Variants in STARD13 observed in about 807,000 individuals in gnomAD.
STARD13 encodes StAR related lipid transfer domain containing 13.
A neutral mutation model predicts 106.4 loss-of-function variants in STARD13; 62 were observed. The observed-to-expected ratio is 0.58, with a 90% CI of 0.48 to 0.72. STARD13 has a LOEUF of 0.72. STARD13 is among the 30% of genes least tolerant of loss of function. STARD13 has a pLI of 0.00. For synonymous variants in STARD13, 565 were observed against 553.0 expected (o/e 1.02, Z -0.31); for missense variants, 1,387 against 1,424.0 (o/e 0.97, Z 0.42).
the STARD13 span, among the ~76,000 whole-genome samples, chr13:33,614,110 C>T: frequency 6.6e-6 from 1 of 152,256 alleles, no homozygotes; most frequent in East Asian, 1.9e-4. Context: ...CAGATTAAAG[C>T]AGAGCTGATC....
rs1030303691 is a variant in STARD13, at chr13:33,117,771, T to C, written c.2281+294A>G. On this transcript the variant is annotated intron_variant, in intron 8 of 13. Transcript: ENST00000336934. ...AAAACAACTTCTATTGTGTCCCTTT[T>C]TCATTTTAAATTTTTGTAAATGTAT... is the stretch of plus-strand genomic sequence containing the variant. 7.3e-6 allele frequency: 7 copies of C among 959,668 alleles called. No homozygotes were observed. In the African/African-American group the frequency reaches 1.1e-4, roughly 15 times the overall value. 59.4% of individuals were successfully genotyped at this position (959,668 alleles called of 1,614,324 possible).
At chr13:33,636,428 G>C in the STARD13 span, among the ~76,000 whole-genome samples, 1 of 152,048 alleles carries the variant, frequency 6.6e-6, no homozygotes, top group South Asian at 2.1e-4. Flanking sequence ...ATCCAAACCC[G>C]GCTACTTTGG....
chr13:33,254,083 A>T (rs892704068), intron 1 of STARD13, among the ~76,000 whole-genome samples: 1 of 152,190 alleles, frequency 6.6e-6, no homozygotes, highest in East Asian at 1.9e-4. Flanking sequence ...TCATTTTAAC[A>T]CTGAAAGCCT....
At chr13:33,627,511 C>T in the STARD13 span, among the ~76,000 whole-genome samples, 1 of 151,984 alleles carries the variant, frequency 6.6e-6, no homozygotes. Flanking sequence ...GTGGCGGGCA[C>T]CTGTAAGTCC....
chr13:33,227,436 C>T (rs2138198193), intron 1 of STARD13, among the ~76,000 whole-genome samples: 1 of 152,300 alleles, frequency 6.6e-6, no homozygotes, highest in East Asian at 1.9e-4. Flanking sequence ...GGCATGGAAA[C>T]TTCCTCTACA....
chr13:33,628,097 T>C, the STARD13 span, among the ~76,000 whole-genome samples: 1 of 150,404 alleles, frequency 6.6e-6, no homozygotes, highest in African/African-American at 2.5e-5. Flanking sequence ...AACAAGGTAA[T>C]GAGTTGGGAT....
the STARD13 span, among the ~76,000 whole-genome samples, chr13:33,526,652 T>C: frequency 6.6e-6 from 1 of 152,070 alleles, no homozygotes; most frequent in Non-Finnish European, 1.5e-5. Context: ...CTACTTACTT[T>C]TTCTCTCTGT....
At chr13:33,258,343 T>C (rs752630240) in intron 1 of STARD13, among the ~76,000 whole-genome samples, 1 of 152,228 alleles carries the variant, frequency 6.6e-6, no homozygotes, top group African/African-American at 2.4e-5. Flanking sequence ...AGTTGTTCTA[T>C]GTTCTCAATA....
At chr13:33,654,240 CCAT>C in the STARD13 span, among the ~76,000 whole-genome samples, 1 of 152,132 alleles carries the variant, frequency 6.6e-6, no homozygotes, top group East Asian at 1.9e-4. Context: ...ACCCAAATGT[CCAT>C]CATCTGATGA....
chr13:33,539,174 G>T, the STARD13 span, among the ~76,000 whole-genome samples: 21 of 152,224 alleles, frequency 1.4e-4, no homozygotes, highest in African/African-American at 4.6e-4. Flanking sequence ...AATACACTTA[G>T]AATAAAAACC....
chr13:33,603,083 C>T, the STARD13 span, among the ~76,000 whole-genome samples: 1 of 152,100 alleles, frequency 6.6e-6, no homozygotes, highest in Non-Finnish European at 1.5e-5. Context: ...ATCCCTCGGG[C>T]CTCTCAAAGT....
upstream of STARD13, among the ~76,000 whole-genome samples, chr13:33,288,579 A>AT (rs551727420): frequency 0.025 from 3,662 of 147,002 alleles, 49 homozygotes; most frequent in Non-Finnish European, 0.035. Flanking sequence ...TTGGCCCTAC[A>AT]TTTTTTTTTT....
At chr13:33,622,634 A>AAAAC in the STARD13 span, among the ~76,000 whole-genome samples, 1 of 148,226 alleles carries the variant, frequency 6.7e-6, no homozygotes, top group Admixed American at 6.7e-5. Context: ...AAAAAAAAAA[A>AAAAC]AAAAAGGCTG....
At chr13:33,324,493 C>T (rs1413671229) in intron 1 of STARD13, among the ~76,000 whole-genome samples, 3 of 152,154 alleles carry the variant, frequency 2.0e-5, no homozygotes, top group African/African-American at 7.2e-5. Flanking sequence ...AACACAAAAC[C>T]AACAGCTGAT....
At chr13:33,491,118 G>C in the STARD13 span, among the ~76,000 whole-genome samples, 5 of 152,228 alleles carry the variant, frequency 3.3e-5, no homozygotes, top group Non-Finnish European at 5.9e-5. Context: ...TGGGCAGGCT[G>C]TTTGTAATGA....
At chr13:33,344,248 A>G (rs1299300092), downstream of STARD13, among the ~76,000 whole-genome samples, 1 of 152,194 alleles carries the variant, frequency 6.6e-6, no homozygotes, top group Non-Finnish European at 1.5e-5. Flanking sequence ...ACCCTGATAT[A>G]AGTGATGTGC....
At chr13:33,564,789 C>T in the STARD13 span, among the ~76,000 whole-genome samples, 77 of 146,050 alleles carry the variant, frequency 5.3e-4, 7 homozygotes, top group Non-Finnish European at 9.5e-4. Flanking sequence ...GTCAGGAGAT[C>T]GAGACCATCC....
At chr13:33,228,985 A>C (rs912687086) in intron 1 of STARD13, among the ~76,000 whole-genome samples, 2 of 152,232 alleles carry the variant, frequency 1.3e-5, no homozygotes, top group Non-Finnish European at 2.9e-5. Flanking sequence ...CCACAAAAGC[A>C]AAGTTAAAAG....
chr13:33,262,642 C>A (rs1017700987), intron 1 of STARD13, among the ~76,000 whole-genome samples: 30,666 of 133,674 alleles, frequency 0.23, 4,230 homozygotes, highest in African/African-American at 0.34. Flanking sequence ...CCCAGAACCC[C>A]CCCCCCCACA....
Sources: gnomAD v4.1 joint callset for allele counts (sites outside exome capture counted in the v4.1 genomes callset) on GRCh38, gnomAD v4.1.1 for gene constraint, MANE v1.5 for transcripts, NCBI Gene and HGNC (gene_info 2026-07-23, HGNC 2026-07-21) for gene names.